Variants in PTPA observed in about 807,000 individuals in gnomAD.
The protein encoded by PTPA is serine/threonine-protein phosphatase 2A activator.
A neutral mutation model predicts 43.6 loss-of-function variants in PTPA; 13 were observed. That is an observed-to-expected ratio of 0.30 (90% CI 0.19 to 0.47). The LOEUF is 0.47. Ranked by LOEUF, PTPA falls within the 20% of genes least tolerant of loss-of-function variation. The probability of loss-of-function intolerance (pLI) is 0.99; values close to 1 mark genes in which losing one functional copy is unlikely to be tolerated. For synonymous variants in PTPA, 172 were observed against 158.2 expected (o/e 1.09, Z -0.66); for missense variants, 329 against 411.9 (o/e 0.80, Z 1.74).
chr9:129,111,335 C>G, upstream of PTPA: 1 of 1,183,132 alleles, frequency 8.5e-7, no homozygotes. Flanking sequence ...CCGCGCGCCC[C>G]GCACTGACAT....
intron 3 of PTPA, chr9:129,127,909 C>T (rs374348943): frequency 4.2e-5 from 49 of 1,154,896 alleles, no homozygotes; most frequent in Non-Finnish European, 5.2e-5. Flanking sequence ...TGCAGTGGCA[C>T]GATGAAATGT....
chr9:129,134,324 T>TTTA (rs1554733072), intron 5 of PTPA, among the ~76,000 whole-genome samples: 1 of 96,354 alleles, frequency 1.0e-5, no homozygotes, highest in Admixed American at 1.1e-4. Flanking sequence ...TTTTTTTTTT[T>TTTA]GAGACAGTCT....
Position 129,111,607 on chromosome 9 carries a change from G to A in PTPA, c.7G>A (p.Glu3Lys). ...GGCTCCTGGCCGGAGCAAGATGGCTGAGGGCGAGCGGCAGCCGCCGCCAGG... is the reference window on the plus strand; with the variant it reads ...GGCTCCTGGCCGGAGCAAGATGGCTAAGGGCGAGCGGCAGCCGCCGCCAGG... MA[E>K]GERQPPPDSS... Residue 3 changes from glutamate (E) to lysine (K), a missense_variant, in exon 1 of 10, where the codon GAG becomes AAG. Physicochemically the swap from Glu to Lys is moderately conservative, Grantham distance 56. Transcript: ENST00000393370. 1 of 1,280,644 alleles carries A rather than the reference G, an allele frequency of 7.8e-7. No homozygotes were observed. The highest frequency in any genetic ancestry group is 9.9e-7 in the Non-Finnish European group (1 of 1,005,596). The allele number at this position is 1,280,644 out of a possible 1,614,324, so 79.3% of individuals were successfully genotyped here.
chr9:129,145,734 G>A (rs1851252802), intron 9 of PTPA, among the ~76,000 whole-genome samples: 1 of 152,182 alleles, frequency 6.6e-6, no homozygotes, highest in Non-Finnish European at 1.5e-5. Context: ...CGGCGGGGGG[G>A]AGGGTCTGTC....
intron 9 of PTPA, among the ~76,000 whole-genome samples, chr9:129,145,497 C>G (rs1851237170): frequency 6.6e-6 from 1 of 152,160 alleles, no homozygotes; most frequent in African/African-American, 2.4e-5. Flanking sequence ...TTCTTAGCCC[C>G]TAAGGAGGCC....
In PTPA at chr9:129,137,603, C is replaced by G; in HGVS notation, c.697C>G (p.Leu233Val). Residue 233 changes from leucine (L) to valine (V), a missense_variant, in exon 8 of 10, where the codon CTG becomes GTG. Coordinates refer to ENST00000393370, the MANE Select transcript of PTPA (RefSeq NM_178000.3). Reference sequence around the variant, plus strand: ...ATTCCTTTTCCCAGACCACCCATACCTGGAGCCCAGACACTTTGTGGATGA... The same window carrying G: ...ATTCCTTTTCCCAGACCACCCATACGTGGAGCCCAGACACTTTGTGGATGA... ...GSSQLIDHPY[L>V]EPRHFVDEKA... 2 of 1,611,954 alleles carry G rather than the reference C, an allele frequency of 1.2e-6. No homozygotes were observed. Among genetic ancestry groups the G allele is most frequent in the Non-Finnish European group, 1.7e-6 (2 of 1,179,000 alleles).
chr9:129,142,790 A>C (rs1850981034), intron 9 of PTPA: 1 of 1,535,944 alleles, frequency 6.5e-7, no homozygotes, highest in Non-Finnish European at 8.7e-7. Flanking sequence ...CTCTGTCCTG[A>C]TGAGCTTGGA....
chr9:129,124,658 C>CT (rs1168694209), intron 3 of PTPA, among the ~76,000 whole-genome samples: 1 of 152,224 alleles, frequency 6.6e-6, no homozygotes, highest in Non-Finnish European at 1.5e-5. Flanking sequence ...TGGATGCTGT[C>CT]TCCCAGGGCT....
At chr9:129,111,964 G>A (rs1289347060) in intron 1 of PTPA, 1 of 350,758 alleles carries the variant, frequency 2.9e-6, no homozygotes, top group Non-Finnish European at 4.9e-6. Flanking sequence ...GTAAGCTGCT[G>A]ACTCGGTGGG....
At position 129,131,511 on chromosome 9, in the gene PTPA, T is replaced by C. The variant is rs764474495; in HGVS notation, c.343-11T>C. 2 of 1,612,320 alleles carry C rather than the reference T, an allele frequency of 1.2e-6. No homozygotes were observed. The highest frequency in any genetic ancestry group is 1.1e-5 in the South Asian group (1 of 91,012). On this transcript the variant is annotated splice_polypyrimidine_tract_variant and intron_variant, in intron 4 of 9. Coordinates refer to ENST00000393370, the MANE Select transcript of PTPA (RefSeq NM_178000.3). ...TATGCTGCCACCACTTTGTGTCTCTTGTGTTACCAGGAAGCAGAAAACTTG... is the reference window on the plus strand; with the variant it reads ...TATGCTGCCACCACTTTGTGTCTCTCGTGTTACCAGGAAGCAGAAAACTTG...
intron 9 of PTPA, among the ~76,000 whole-genome samples, chr9:129,144,237 G>A (rs1233470299): frequency 6.6e-5 from 10 of 151,900 alleles, no homozygotes; most frequent in Admixed American, 5.9e-4. Context: ...CACAGGGACT[G>A]TCCACTCTGC....
chr9:129,120,747 G>A, intron 2 of PTPA, 137 bp downstream of exon 2: 1 of 698,042 alleles, frequency 1.4e-6, no homozygotes, highest in Non-Finnish European at 2.4e-6. Context: ...GGTGACAGGG[G>A]AGCTGGCTGT....
intron 3 of PTPA, among the ~76,000 whole-genome samples, chr9:129,124,202 CTTATT>C (rs760652035): frequency 3.9e-5 from 6 of 151,960 alleles, no homozygotes; most frequent in East Asian, 1.9e-4. Context: ...ATTTATTTAT[CTTATT>C]TTATTTTTTT....
At chr9:129,126,078 G>A (rs953613807) in intron 3 of PTPA, among the ~76,000 whole-genome samples, 2 of 152,268 alleles carry the variant, frequency 1.3e-5, no homozygotes, top group South Asian at 4.2e-4. Context: ...AAACCCGGGA[G>A]GCGGAGGTTG....
At chr9:129,122,846 G>A (rs916632330) in intron 2 of PTPA, among the ~76,000 whole-genome samples, 2 of 152,232 alleles carry the variant, frequency 1.3e-5, no homozygotes, top group Non-Finnish European at 2.9e-5. Flanking sequence ...GCGTGTTGCT[G>A]TGGTCACTGT....
chr9:129,147,719 GC>G lies in PTPA; in HGVS notation c.*257del. 2.1e-6 allele frequency: 1 copy of G among 487,710 alleles called. No homozygotes were observed. The highest frequency in any genetic ancestry group is 3.8e-6 in the Non-Finnish European group (1 of 266,550). The allele number at this position is 487,710 out of a possible 1,614,324, so 30.2% of individuals were successfully genotyped here. ...GACTGGCCAGAAGAGAGGGTCTGGG[GC>G]CTGGTCACTCGGCCACTCTCTCCTG... is the stretch of plus-strand genomic sequence containing the variant. On this transcript the variant is annotated 3_prime_UTR_variant, in exon 10 of 10. Coordinates refer to ENST00000393370, the MANE Select transcript of PTPA (RefSeq NM_178000.3).
chr9:129,136,439 G>C (rs750149723), intron 6 of PTPA, 32 bp from the exon 7 acceptor site: 12 of 1,583,420 alleles, frequency 7.6e-6, no homozygotes, highest in Non-Finnish European at 9.5e-6. Context: ...TTTACTTTTT[G>C]CTACCTTCCC....
intron 3 of PTPA, among the ~76,000 whole-genome samples, chr9:129,125,990 T>C (rs1849551373): frequency 1.3e-5 from 2 of 151,796 alleles, no homozygotes; most frequent in Admixed American, 6.5e-5. Flanking sequence ...CTACTAAAGA[T>C]ACAAAAAGTT....
In PTPA at chr9:129,134,890, A is replaced by G; in HGVS notation, c.556A>G (p.Asn186Asp). 1 of 1,611,936 alleles carries G rather than the reference A, an allele frequency of 6.2e-7. No homozygotes were observed. Among genetic ancestry groups the G allele is most frequent in the Non-Finnish European group, 8.5e-7 (1 of 1,178,636 alleles). ...AATAGCTATTGTCTTCAAGGTGTTCAATCGGTGAGAGAAAGGACAGGAGGG... is the reference window on the plus strand; with the variant it reads ...AATAGCTATTGTCTTCAAGGTGTTCGATCGGTGAGAGAAAGGACAGGAGGG... ...DQIAIVFKVF[N>D]RYLEVMRKLQ... Residue 186 changes from asparagine (N) to aspartate (D), a missense_variant, in exon 6 of 10, where the codon AAT (asparagine) becomes GAT (aspartate). By Grantham distance (23) the Asn-to-Asp change is conservative. Transcript: ENST00000393370.
Sources: gnomAD v4.1 joint callset for allele counts (sites outside exome capture counted in the v4.1 genomes callset) on GRCh38, gnomAD v4.1.1 for gene constraint, MANE v1.5 for transcripts, NCBI Gene and HGNC (gene_info 2026-07-23, HGNC 2026-07-21) for gene names.